BPTF: variants seen among roughly 807,000 people sequenced by gnomAD.
BPTF encodes nucleosome-remodeling factor subunit BPTF.
A neutral mutation model predicts 292.5 loss-of-function variants in BPTF; 18 were observed. The ratio of observed to expected loss-of-function variants is 0.06; its 90% confidence interval spans 0.04 to 0.09. The LOEUF (loss-of-function observed/expected upper bound fraction) is 0.09, where lower values mean the gene tolerates loss of function less well. BPTF is among the 10% of genes least tolerant of loss of function. The pLI, the probability that BPTF is intolerant of heterozygous loss-of-function variation, is 1.00. For synonymous variants in BPTF, 1,225 were observed against 1,251.9 expected (o/e 0.98, Z 0.45); for missense variants, 2,726 against 3,498.7 (o/e 0.78, Z 5.57).
chr17:67,840,517 C>A (rs1222037855), intron 1 of BPTF, among the ~76,000 whole-genome samples: 1 of 151,788 alleles, frequency 6.6e-6, no homozygotes, highest in African/African-American at 2.4e-5. Flanking sequence ...CTCCTCCCCC[C>A]TTCCCCCTTT....
chr17:67,932,094 C>T, intron 18 of BPTF, 75 bp downstream of exon 18: 1 of 1,246,616 alleles, frequency 8.0e-7, no homozygotes, highest in Non-Finnish European at 1.2e-6. Context: ...CTGCATTTGG[C>T]ACTACATACG....
At chr17:67,905,094 T>C (rs1423111284) in intron 9 of BPTF, among the ~76,000 whole-genome samples, 2 of 152,098 alleles carry the variant, frequency 1.3e-5, no homozygotes, top group African/African-American at 4.8e-5. Flanking sequence ...GCCGCCTGAT[T>C]ATCATTTTTC....
chr17:67,845,955 T>C (rs986693588), intron 1 of BPTF, among the ~76,000 whole-genome samples: 12 of 152,078 alleles, frequency 7.9e-5, no homozygotes, highest in African/African-American at 2.9e-4. Flanking sequence ...ATATGAAAGC[T>C]ATTTTTATCT....
At chr17:67,906,350 A>G (rs1568028050) in intron 9 of BPTF, among the ~76,000 whole-genome samples, 1 of 152,164 alleles carries the variant, frequency 6.6e-6, no homozygotes, top group Non-Finnish European at 1.5e-5. Flanking sequence ...AAGTGCTGGG[A>G]TTACAGGTGT....
chr17:67,889,341 G>A (rs180671735), intron 4 of BPTF, among the ~76,000 whole-genome samples: 199 of 152,284 alleles, frequency 1.3e-3, no homozygotes, highest in South Asian at 1.7e-3. Context: ...ACTCTGAGCA[G>A]TATTGGATTG....
intron 22 of BPTF, 98 bp from the exon 23 acceptor site, chr17:67,947,983 A>C: frequency 7.5e-7 from 1 of 1,336,792 alleles, no homozygotes; most frequent in Non-Finnish European, 1.0e-6. Context: ...CCAGTCACAG[A>C]AAGTTTTTGT....
chr17:67,913,316 T>A, intron 11 of BPTF, 129 bp downstream of exon 11: 1 of 1,387,270 alleles, frequency 7.2e-7, no homozygotes, highest in Non-Finnish European at 9.5e-7. Flanking sequence ...CCAAAGATAG[T>A]AATGGAAACA....
chr17:67,884,088 T>TGTATACCAGC (rs1050253080), intron 4 of BPTF, among the ~76,000 whole-genome samples: 5 of 152,052 alleles, frequency 3.3e-5, no homozygotes, highest in Non-Finnish European at 7.4e-5. Flanking sequence ...TATTTCATTG[T>TGTATACCAGC]GTATACCAGC....
At chr17:67,942,540 G>C (rs1555672442) in intron 19 of BPTF, among the ~76,000 whole-genome samples, 1 of 152,132 alleles carries the variant, frequency 6.6e-6, no homozygotes, top group African/African-American at 2.4e-5. Flanking sequence ...CTATCAGTCG[G>C]TTCAGCCATT....
At chr17:67,906,570 C>T (rs1000728484) in intron 9 of BPTF, among the ~76,000 whole-genome samples, 2 of 152,196 alleles carry the variant, frequency 1.3e-5, no homozygotes, top group Non-Finnish European at 1.5e-5. Flanking sequence ...TGATAGAACG[C>T]TGGCAGGTCC....
intron 7 of BPTF, among the ~76,000 whole-genome samples, chr17:67,895,248 A>G (rs2061360588): frequency 6.8e-6 from 1 of 146,990 alleles, no homozygotes; most frequent in Admixed American, 7.1e-5. Context: ...CAGGAGAATC[A>G]CTTTAACTCA....
At chr17:67,899,988 G>A (rs1218900335) in intron 7 of BPTF, among the ~76,000 whole-genome samples, 1 of 152,146 alleles carries the variant, frequency 6.6e-6, no homozygotes, top group African/African-American at 2.4e-5. Context: ...ATAAAGTTCT[G>A]TTTCTTAACC....
intron 1 of BPTF, among the ~76,000 whole-genome samples, chr17:67,835,440 G>C (rs1426113520): frequency 6.6e-6 from 1 of 152,088 alleles, no homozygotes; most frequent in African/African-American, 2.4e-5. Context: ...CCTTTTATTT[G>C]CCCTAAATCC....
rs1304653944 is a variant in BPTF, at chr17:67,894,058, G to A, written c.2436G>A (p.Gln812=). The A allele has an allele frequency of 6.2e-7, 1 of 1,613,900 alleles. No individual in the cohort carries two copies. The highest frequency in any genetic ancestry group is 8.5e-7 in the Non-Finnish European group (1 of 1,179,908). Residue 812 remains glutamine (Q), a synonymous_variant, in exon 7 of 28, where the codon CAG becomes CAA. Coordinates refer to ENST00000306378, the MANE Select transcript of BPTF (RefSeq NM_182641.4). ...SHRANWIKAV[Q]MCSKPREFAL... ...GGGCAAATTGGATCAAGGCAGTTCA[G>A]ATGTGTAGCAAACCCAGAGAATTTG...
At chr17:67,934,870 C>CAAAAAA (rs569120237) in intron 18 of BPTF, among the ~76,000 whole-genome samples, 18 of 90,988 alleles carry the variant, frequency 2.0e-4, no homozygotes, top group African/African-American at 9.2e-4. Context: ...AACTCTGTCT[C>CAAAAAA]AAAAAAAAAA....
At chr17:67,953,299 C>G (rs557407801) in intron 23 of BPTF, among the ~76,000 whole-genome samples, 1 of 149,748 alleles carries the variant, frequency 6.7e-6, no homozygotes, top group East Asian at 2.0e-4. Flanking sequence ...CTCTGTCACC[C>G]AGGCTGGACT....
chr17:67,898,483 AT>A (rs1199595790), intron 7 of BPTF, among the ~76,000 whole-genome samples: 1 of 151,734 alleles, frequency 6.6e-6, no homozygotes, highest in East Asian at 1.9e-4. Context: ...TACATTTTTA[AT>A]TTTTTCGTAG....
intron 1 of BPTF, among the ~76,000 whole-genome samples, chr17:67,847,122 G>A (rs73350861): frequency 0.018 from 2,787 of 152,296 alleles, 96 homozygotes; most frequent in African/African-American, 0.064. Context: ...ATCTTTGAAA[G>A]GAAGTAATAA....
At chr17:67,896,102 A>G (rs900841023) in intron 7 of BPTF, among the ~76,000 whole-genome samples, 3 of 152,056 alleles carry the variant, frequency 2.0e-5, no homozygotes, top group East Asian at 3.9e-4. Flanking sequence ...AACTGGGACT[A>G]TAGGCACCCA....
Sources: allele counts gnomAD v4.1 joint callset (sites outside exome capture counted in the v4.1 genomes callset), GRCh38; gene constraint gnomAD v4.1.1; transcripts MANE v1.5; gene names NCBI Gene and HGNC (gene_info 2026-07-23, HGNC 2026-07-21).